DPPA3: variants seen among roughly 807,000 people sequenced by gnomAD.
The protein encoded by DPPA3 is developmental pluripotency-associated protein 3.
DPPA3 carries 9 observed loss-of-function variants against 15.6 expected under a neutral mutation model. The ratio of observed to expected loss-of-function variants is 0.58; its 90% confidence interval spans 0.35 to 1.01. The LOEUF (loss-of-function observed/expected upper bound fraction) is 1.01. DPPA3 is among the 50% of genes least tolerant of loss of function. The pLI, the probability that DPPA3 is intolerant of heterozygous loss-of-function variation, is 0.02. For missense variants in DPPA3, 148 were observed against 194.6 expected (o/e 0.76, Z 1.42); for synonymous variants, 61 against 70.9 (o/e 0.86, Z 0.70).
intron 1 of DPPA3, among the ~76,000 whole-genome samples, chr12:7,713,194 C>A (rs1168217226): frequency 1.3e-5 from 2 of 152,230 alleles, no homozygotes. Context: ...GCGGCAGAAA[C>A]CCTGGAGCCA....
At chr12:7,716,269 C>CTTTTTTT in intron 3 of DPPA3, 30 bp downstream of exon 3, 2 of 1,308,986 alleles carry the variant, frequency 1.5e-6, no homozygotes, top group South Asian at 1.5e-5. Context: ...TTTTATTTTC[C>CTTTTTTT]TTTTTTTTTT....
In DPPA3 at chr12:7,715,427, G is replaced by C. The variant is rs770300091; in HGVS notation, c.327G>C (p.Thr109=). 3.7e-6 allele frequency: 6 copies of C among 1,613,902 alleles called. No homozygotes were observed. In the Admixed American group the frequency reaches 6.7e-5, roughly 18 times the overall value. The change falls in exon 2 of 4, where the codon ACG becomes ACC. Residue 109 remains threonine (T), a splice_region_variant and synonymous_variant. Transcript: ENST00000345088. ...ACATGTTACTCGGCGGAGTTCGTACGGTATGTTGATGTGATGTGGCCGGGG... is the reference window on the plus strand; with the variant it reads ...ACATGTTACTCGGCGGAGTTCGTACCGTATGTTGATGTGATGTGGCCGGGG... ...LRYMLLGGVR[T]HERRPTNKEP...
At chr12:7,713,503 A>T (rs950138190) in intron 1 of DPPA3, among the ~76,000 whole-genome samples, 1 of 152,210 alleles carries the variant, frequency 6.6e-6, no homozygotes, top group Non-Finnish European at 1.5e-5. Context: ...GCAAAAAACA[A>T]AACAAAACAC....
chr12:7,714,026 C>A (rs1237615418), intron 1 of DPPA3, among the ~76,000 whole-genome samples: 1 of 150,304 alleles, frequency 6.7e-6, no homozygotes, highest in Non-Finnish European at 1.5e-5. Context: ...AAATAACAGT[C>A]TACCATCCTG....
intron 1 of DPPA3, among the ~76,000 whole-genome samples, chr12:7,714,146 C>A (rs751431749): frequency 7.2e-5 from 11 of 152,024 alleles, no homozygotes; most frequent in Non-Finnish European, 1.6e-4. Flanking sequence ...AGGAGAATGG[C>A]GTGAACCCGG....
intron 2 of DPPA3, 73 bp from the exon 3 acceptor site, chr12:7,716,125 C>T (rs766981224): frequency 9.2e-6 from 12 of 1,304,002 alleles, no homozygotes; most frequent in Non-Finnish European, 1.3e-5. Context: ...AGCTTCTCTC[C>T]CTTATATAGA....
Position 7,717,119 on chromosome 12 carries a change from T to C in DPPA3, c.*42T>C. On this transcript the variant is annotated 3_prime_UTR_variant, in exon 4 of 4. Coordinates refer to ENST00000345088, the MANE Select transcript of DPPA3 (RefSeq NM_199286.4). ...TTTTTTTCTTGGTAGTAATTTTATA[T>C]AGCAGGTTGAGAAAGCTACTCTATG... is the stretch of plus-strand genomic sequence containing the variant. 2 of 1,143,212 alleles carry C rather than the reference T, an allele frequency of 1.7e-6. No homozygotes were observed. The highest frequency in any genetic ancestry group is 3.0e-5 in the African/African-American group (2 of 67,330). 70.8% of individuals were successfully genotyped at this position (1,143,212 alleles called of 1,614,324 possible).
chr12:7,715,449 G>A (rs1452054999), intron 2 of DPPA3, 22 bp downstream of exon 2: 3 of 1,613,412 alleles, frequency 1.9e-6, no homozygotes, highest in South Asian at 2.2e-5. Flanking sequence ...TGATGTGGCC[G>A]GGGCTGTCCA....
intron 1 of DPPA3, among the ~76,000 whole-genome samples, chr12:7,712,967 C>T (rs1307768496): frequency 6.6e-6 from 1 of 152,174 alleles, no homozygotes; most frequent in African/African-American, 2.4e-5. Flanking sequence ...AGGCCGTAAA[C>T]GTGCTCCGTA....
intron 1 of DPPA3, among the ~76,000 whole-genome samples, chr12:7,711,943 T>A (rs1197710297): frequency 2.1e-5 from 3 of 145,136 alleles, no homozygotes; most frequent in African/African-American, 7.6e-5. Flanking sequence ...TGAGACGGAG[T>A]CTTGCTCTGT....
At position 7,715,163 on chromosome 12, in the gene DPPA3, C is replaced by T; in HGVS notation, c.83-20C>T. On this transcript the variant is annotated intron_variant, in intron 1 of 3. Coordinates refer to ENST00000345088, the MANE Select transcript of DPPA3 (RefSeq NM_199286.4). ...GTTGAAGATCCCCTTAATGTAATGGCTTTTAACCTTCTCTTTCAGGGGCCT... is the reference window on the plus strand; with the variant it reads ...GTTGAAGATCCCCTTAATGTAATGGTTTTTAACCTTCTCTTTCAGGGGCCT... The T allele has an allele frequency of 6.2e-7, 1 of 1,612,878 alleles. No homozygotes were observed. Among genetic ancestry groups the T allele is most frequent in the East Asian group, 2.2e-5 (1 of 44,856 alleles).
At chr12:7,714,674 C>T (rs1166099670) in intron 1 of DPPA3, among the ~76,000 whole-genome samples, 1 of 151,448 alleles carries the variant, frequency 6.6e-6, no homozygotes, top group Non-Finnish European at 1.5e-5. Flanking sequence ...ACCACCACCA[C>T]GCCTGGCTAA....
chr12:7,717,247 T>C lies in DPPA3; in HGVS notation c.*170T>C. 1.8e-6 allele frequency: 1 copy of C among 569,114 alleles called. No homozygotes were observed. The highest frequency in any genetic ancestry group is 3.4e-5 in the Admixed American group (1 of 29,282). 35.3% of individuals were successfully genotyped at this position (569,114 alleles called of 1,614,324 possible). A position where few individuals can be genotyped will look rare whatever the true frequency, so the allele number is the denominator to read the frequency against. On this transcript the variant is annotated 3_prime_UTR_variant, in exon 4 of 4. Transcript: ENST00000345088. ...TGATACTAGTAATTCATAAGGGATC[T>C]GTGTAATCTGAATGTATTTGAATAA... is the stretch of plus-strand genomic sequence containing the variant.
In DPPA3 at chr12:7,717,042, A is replaced by G; in HGVS notation, c.445A>G (p.Ile149Val). The G allele has an allele frequency of 6.2e-7, 1 of 1,613,888 alleles. No individual in the cohort carries two copies. The highest frequency in any genetic ancestry group is 8.5e-7 in the Non-Finnish European group (1 of 1,179,962). Residue 149 changes from isoleucine (I) to valine (V), a missense_variant, in exon 4 of 4, where the codon ATA becomes GTA. By Grantham distance (29) the Ile-to-Val change is conservative (BLOSUM62 3). Transcript: ENST00000345088. Reference protein sequence around the residue: ...NGWDPSENARIGNQDTKPLQP With the variant: ...NGWDPSENARVGNQDTKPLQP The stretch of plus-strand genomic sequence containing the variant: ...ATGGGATCCTTCTGAGAATGCTAGA[A>G]TAGGGAATCAAGACACCAAGCCACT...
chr12:7,712,183 G>A (rs1180340060), intron 1 of DPPA3, among the ~76,000 whole-genome samples: 1 of 150,618 alleles, frequency 6.6e-6, no homozygotes, highest in Admixed American at 6.7e-5. Context: ...CCAAAGTACT[G>A]GGATTACAGG....
At chr12:7,712,809 A>AC (rs1565454273) in intron 1 of DPPA3, among the ~76,000 whole-genome samples, 1 of 152,080 alleles carries the variant, frequency 6.6e-6, no homozygotes. Context: ...CTGGTATCGA[A>AC]CACTTGGGTT....
intron 2 of DPPA3, 151 bp downstream of exon 2, chr12:7,715,578 C>T (rs1864390895): frequency 2.4e-6 from 3 of 1,225,130 alleles, no homozygotes; most frequent in South Asian, 2.8e-5. Context: ...GGTGGATCAC[C>T]TGAGGACAGG....
chr12:7,715,819 C>G (rs1332915952), intron 2 of DPPA3, among the ~76,000 whole-genome samples: 1 of 151,968 alleles, frequency 6.6e-6, no homozygotes, highest in East Asian at 1.9e-4. Flanking sequence ...TCCCAGCTCA[C>G]GTCTGTAATC....
Position 7,716,990 on chromosome 12 carries a change from T to C in DPPA3, c.393T>C (p.Cys131=). 1 of 1,613,794 alleles carries C rather than the reference T, an allele frequency of 6.2e-7. No homozygotes were observed. The highest frequency in any genetic ancestry group is 8.5e-7 in the Non-Finnish European group (1 of 1,179,826). ...AGAAGGAATCAAGACCATTCAAATGTCCCTGCAGTTTCTGCGTGTCTAATG... is the reference window on the plus strand; with the variant it reads ...AGAAGGAATCAAGACCATTCAAATGCCCCTGCAGTTTCTGCGTGTCTAATG... ...GVKKESRPFK[C]PCSFCVSNGW... The change falls in exon 4 of 4, where the codon TGT becomes TGC. Residue 131 remains cysteine, a synonymous_variant. Transcript: ENST00000345088.
Sources: gnomAD v4.1 joint callset for allele counts (sites outside exome capture counted in the v4.1 genomes callset) on GRCh38, gnomAD v4.1.1 for gene constraint, MANE v1.5 for transcripts, NCBI Gene and HGNC (gene_info 2026-07-23, HGNC 2026-07-21) for gene names.